WWOX: variants seen among roughly 807,000 people sequenced by gnomAD.
The protein encoded by WWOX is WW domain containing oxidoreductase, also known as WW domain-containing oxidoreductase.
A neutral mutation model predicts 46.2 loss-of-function variants in WWOX; 69 were observed. The observed-to-expected ratio is 1.49, with a 90% CI of 1.23 to 1.82. The LOEUF (loss-of-function observed/expected upper bound fraction) is 1.82, where lower values mean the gene tolerates loss of function less well. Ranked by LOEUF, WWOX falls within the 40% of genes most tolerant of loss-of-function variation. WWOX has a pLI of 0.00. For missense variants in WWOX, 919 were observed against 542.6 expected (o/e 1.69, Z -6.89); for synonymous variants, 359 against 202.6 (o/e 1.77, Z -6.56).
At chr16:78,673,700 AG>A (rs2142210754) in intron 8 of WWOX, among the ~76,000 whole-genome samples, 1 of 152,346 alleles carries the variant, frequency 6.6e-6, no homozygotes, top group South Asian at 2.1e-4. Context: ...AAACAAGTCA[AG>A]AGACTCATTA....
chr16:79,139,462 T>A (rs536428676), intron 8 of WWOX, among the ~76,000 whole-genome samples: 7 of 152,356 alleles, frequency 4.6e-5, no homozygotes, highest in African/African-American at 1.2e-4. Flanking sequence ...TTTATATTTT[T>A]CAAGGCAAGC....
At chr16:79,106,058 A>C (rs1487413078) in intron 8 of WWOX, 1 of 152,220 alleles carries the variant, frequency 6.6e-6, no homozygotes, top group Non-Finnish European at 1.5e-5. Context: ...TTCAGTAATA[A>C]GTTCGAAGCC....
At chr16:78,203,707 C>T (rs980824596) in intron 5 of WWOX, among the ~76,000 whole-genome samples, 11 of 152,020 alleles carry the variant, frequency 7.2e-5, no homozygotes, top group South Asian at 2.1e-4. Context: ...AAACTAGATG[C>T]GGAAGGGATG....
At chr16:78,393,520 T>A (rs1267281706) in intron 6 of WWOX, among the ~76,000 whole-genome samples, 1 of 152,078 alleles carries the variant, frequency 6.6e-6, no homozygotes. Context: ...TAAAAAACGG[T>A]TTGTAGGTCC....
chr16:78,851,359 T>A (rs138543069), intron 8 of WWOX, among the ~76,000 whole-genome samples: 1 of 152,236 alleles, frequency 6.6e-6, no homozygotes, highest in Non-Finnish European at 1.5e-5. Context: ...AATTTTCTTA[T>A]AGGTGGAACT....
chr16:78,265,724 A>G (rs1342933324), intron 5 of WWOX, among the ~76,000 whole-genome samples: 2 of 150,416 alleles, frequency 1.3e-5, no homozygotes, highest in Non-Finnish European at 3.0e-5. Context: ...TTTTTTTGTC[A>G]GCTCCATGAG....
At chr16:79,014,020 C>G (rs1294888565) in intron 8 of WWOX, among the ~76,000 whole-genome samples, 1 of 152,188 alleles carries the variant, frequency 6.6e-6, no homozygotes, top group East Asian at 1.9e-4. Context: ...CGATATGCTT[C>G]TCAGGCAGTA....
chr16:78,245,761 G>C (rs2037796903), intron 5 of WWOX, among the ~76,000 whole-genome samples: 1 of 152,192 alleles, frequency 6.6e-6, no homozygotes, highest in South Asian at 2.1e-4. Flanking sequence ...TGTTTCCTAA[G>C]TTAGTTCTTG....
intron 8 of WWOX, among the ~76,000 whole-genome samples, chr16:78,714,118 G>A (rs148010534): frequency 1.6e-4 from 24 of 152,236 alleles, no homozygotes; most frequent in African/African-American, 3.1e-4. Flanking sequence ...GAATAAGTCC[G>A]TCTCACGTTA....
At chr16:78,286,039 C>T (rs765112862) in intron 5 of WWOX, among the ~76,000 whole-genome samples, 7 of 152,118 alleles carry the variant, frequency 4.6e-5, no homozygotes, top group Admixed American at 1.3e-4. Context: ...AAGTACAAGG[C>T]GAGATCGACG....
At chr16:78,290,607 A>T (rs2079844527) in intron 5 of WWOX, among the ~76,000 whole-genome samples, 1 of 152,164 alleles carries the variant, frequency 6.6e-6, no homozygotes, top group Non-Finnish European at 1.5e-5. Flanking sequence ...TTTAAATTAC[A>T]CACATAATTC....
At chr16:78,631,795 G>C (rs996447127) in intron 8 of WWOX, among the ~76,000 whole-genome samples, 1 of 152,000 alleles carries the variant, frequency 6.6e-6, no homozygotes, top group African/African-American at 2.4e-5. Context: ...CAAAGTGTTG[G>C]GATTATAGGT....
intron 5 of WWOX, among the ~76,000 whole-genome samples, chr16:78,341,168 ATT>A (rs60247224): frequency 0.12 from 12,639 of 105,724 alleles, 3,655 homozygotes; most frequent in East Asian, 0.21. Flanking sequence ...TCCAACTGTA[ATT>A]TTTTTTTTTT....
chr16:79,074,610 G>A (rs755390798), intron 8 of WWOX, among the ~76,000 whole-genome samples: 1 of 151,340 alleles, frequency 6.6e-6, no homozygotes, highest in Non-Finnish European at 1.5e-5. Flanking sequence ...TTATAAGCTA[G>A]GAATACTAAG....
chr16:78,908,579 G>A (rs1597136117), intron 8 of WWOX, among the ~76,000 whole-genome samples: 1 of 151,804 alleles, frequency 6.6e-6, no homozygotes, highest in Non-Finnish European at 1.5e-5. Flanking sequence ...AGAGCTGGCT[G>A]TGTGGGAGAC....
intron 5 of WWOX, among the ~76,000 whole-genome samples, chr16:78,262,455 A>C (rs940700285): frequency 6.6e-6 from 1 of 152,194 alleles, no homozygotes; most frequent in Non-Finnish European, 1.5e-5. Context: ...AATTTTATTC[A>C]GAACCAGCTA....
intron 8 of WWOX, among the ~76,000 whole-genome samples, chr16:78,989,229 T>G (rs11641680): frequency 0.61 from 92,449 of 151,966 alleles, 30,046 homozygotes; most frequent in Non-Finnish European, 0.74. Context: ...CCACTAACCA[T>G]CTTTCCTCTT....
At chr16:78,898,933 T>A (rs1379217963) in intron 8 of WWOX, 1 of 152,166 alleles carries the variant, frequency 6.6e-6, no homozygotes, top group Non-Finnish European at 1.5e-5. Context: ...TATATAGAAA[T>A]ACAGTTGATT....
chr16:78,627,449 C>G (rs1018744630), intron 8 of WWOX, among the ~76,000 whole-genome samples: 1 of 152,186 alleles, frequency 6.6e-6, no homozygotes, highest in African/African-American at 2.4e-5. Context: ...TGGCTGGTCT[C>G]CAAGGCCTCT....
Sources: gnomAD v4.1 joint callset for allele counts (sites outside exome capture counted in the v4.1 genomes callset) on GRCh38, gnomAD v4.1.1 for gene constraint, MANE v1.5 for transcripts, NCBI Gene and HGNC (gene_info 2026-07-23, HGNC 2026-07-21) for gene names.